Variants in OSBPL7 observed in about 807,000 individuals in gnomAD.
OSBPL7 encodes the protein oxysterol-binding protein-related protein 7.
In OSBPL7, 66 loss-of-function variants were observed where a neutral mutation model predicts 115.8. That is an observed-to-expected ratio of 0.57 (90% confidence interval 0.47 to 0.70). OSBPL7 has a LOEUF of 0.70. Among genes scored for constraint, OSBPL7 ranks in the 30% least tolerant of loss-of-function variants. OSBPL7 has a pLI of 0.00. For synonymous variants in OSBPL7, 441 were observed against 439.2 expected, an observed-to-expected ratio of 1.00 and a Z score of -0.05; for missense variants, 902 against 1,125.5, an observed-to-expected ratio of 0.80 and a Z score of 2.84.
rs1188712886 is a variant in OSBPL7, at chr17:47,808,841, G to T, written c.2297+23C>A. On this transcript the variant is annotated intron_variant, in intron 21 of 22. Transcript: ENST00000007414. This position sits in a 1 kb window ranked among gnomAD's most constrained non-coding sequence, Gnocchi z 6.1. ...GAGGGAGTGAACTAGATGGTTCTAG[G>T]CCGGCACCCATCCGGCACTGACCTC... 1 of 1,613,944 alleles carries T rather than the reference G, an allele frequency of 6.2e-7. No homozygotes were observed. The highest frequency in any genetic ancestry group is 2.2e-5 in the East Asian group (1 of 44,862).
chr17:47,809,565 T>G, intron 18 of OSBPL7, 87 bp from the exon 19 acceptor site: 1 of 1,489,398 alleles, frequency 6.7e-7, no homozygotes, highest in Non-Finnish European at 9.1e-7. Context: ...AAGCAGGTCA[T>G]GTGGGCCTGT....
chr17:47,815,336 A>C lies in OSBPL7; in HGVS notation c.1136T>G (p.Met379Arg). 6.2e-7 allele frequency: 1 copy of C among 1,613,830 alleles called. No individual in the cohort carries two copies. Among genetic ancestry groups the C allele is most frequent in the Non-Finnish European group, 8.5e-7 (1 of 1,179,962 alleles). Residue 379 changes from methionine (M) to arginine (R), a missense_variant, in exon 13 of 23, where the codon ATG becomes AGG. Physicochemically the swap from Met to Arg is moderately conservative, Grantham distance 91. Coordinates refer to ENST00000007414, the MANE Select transcript of OSBPL7 (RefSeq NM_145798.3). ...CTGGGGGGTGAGCTCGCGCCCCTTC[A>C]TGTACAGAGCTTCTTGCTGTGGGAG... ...LNPEEQEALYMKGRELTPQLS... is the reference protein window; with the variant it reads ...LNPEEQEALYRKGRELTPQLS...
intron 4 of OSBPL7, 73 bp downstream of exon 4, chr17:47,819,656 G>A (rs2033335278): frequency 6.4e-7 from 1 of 1,573,434 alleles, no homozygotes; most frequent in Non-Finnish European, 8.7e-7. Context: ...GTCGATTCCA[G>A]ATACCCCATG....
At chr17:47,810,726 G>A in intron 17 of OSBPL7, 46 bp downstream of exon 17, 1 of 1,612,572 alleles carries the variant, frequency 6.2e-7, no homozygotes, top group Non-Finnish European at 8.5e-7. Context: ...GCCAGAGGGT[G>A]TTCCCTTTGC....
intron 7 of OSBPL7, 151 bp from the exon 8 acceptor site, chr17:47,817,510 C>T (rs1320417222): frequency 1.4e-5 from 8 of 574,014 alleles, no homozygotes; most frequent in African/African-American, 2.0e-5. Context: ...CTGCCTCAGC[C>T]TCCCGAGTAG....
At chr17:47,819,533 C>G in intron 4 of OSBPL7, 196 bp downstream of exon 4, 1 of 661,974 alleles carries the variant, frequency 1.5e-6, no homozygotes, top group South Asian at 1.8e-5. Context: ...CAGCTCTGCA[C>G]CTGGGGGATG....
chr17:47,820,244 G>A lies in OSBPL7; in HGVS notation c.35C>T (p.Pro12Leu). The part of the protein sequence containing the change: ...DFQERDPPFL[P>L]ESAQSSKPSS... ...GGGCTTTGAGGACTGAGCGCTCTCA[G>A]GCAGGAAGGGCGGGTCCCTCTCTTG... The change falls in exon 2 of 23, where the codon CCT becomes CTT. Residue 12 changes from proline to leucine, a missense_variant. By Grantham distance (98) the Pro-to-Leu change is moderately conservative (BLOSUM62 -3). Transcript: ENST00000007414. 6.2e-7 allele frequency: 1 copy of A among 1,614,004 alleles called. No individual in the cohort carries two copies. Among genetic ancestry groups the A allele is most frequent in the South Asian group, 1.1e-5 (1 of 91,060 alleles).
In OSBPL7 at chr17:47,816,280, C is replaced by T. The variant is rs976437701; in HGVS notation, c.1024-78G>A. The T allele has an allele frequency of 6.7e-7, 1 of 1,498,714 alleles. No homozygotes were observed. Among genetic ancestry groups the T allele is most frequent in the African/African-American group, 1.4e-5 (1 of 71,824 alleles). 92.8% of individuals were successfully genotyped at this position (1,498,714 alleles called of 1,614,324 possible). The stretch of plus-strand genomic sequence containing the variant: ...CTTGCCGCATCTCTGCAGAGACTGC[C>T]TCTGCCAACCCCCCACCCTGACCCA... On this transcript the variant is annotated intron_variant, in intron 11 of 22. Transcript: ENST00000007414. The surrounding 1 kb of genome is among the most constrained non-coding windows in gnomAD (Gnocchi z 5.8).
At chr17:47,809,745 G>A (rs550217636) in intron 18 of OSBPL7, among the ~76,000 whole-genome samples, 124 of 152,228 alleles carry the variant, frequency 8.1e-4, no homozygotes, top group African/African-American at 2.8e-3. Context: ...CCTGCCCCTG[G>A]GCACCAGGAA....
At chr17:47,814,128 C>A (rs2033138583) in intron 14 of OSBPL7, among the ~76,000 whole-genome samples, 1 of 152,222 alleles carries the variant, frequency 6.6e-6, no homozygotes, top group Non-Finnish European at 1.5e-5. Flanking sequence ...GCCTTTTGTT[C>A]CCTTTATAAA....
Position 47,815,208 on chromosome 17 carries a change from C to T in OSBPL7, c.1257+7G>A. 2.5e-6 allele frequency: 4 copies of T among 1,610,750 alleles called. No individual in the cohort carries two copies. The highest frequency in any genetic ancestry group is 3.4e-6 in the Non-Finnish European group (4 of 1,177,768). Reference sequence around the variant, plus strand: ...CCGCCTCACTGCCAGCTTCTCTCCTCCCTCACCTCATTCTCAGAAGAGCTG... The same window carrying T: ...CCGCCTCACTGCCAGCTTCTCTCCTTCCTCACCTCATTCTCAGAAGAGCTG... On this transcript the variant is annotated splice_region_variant and intron_variant, in intron 13 of 22. Transcript: ENST00000007414.
At chr17:47,809,843 T>C (rs928526241) in intron 18 of OSBPL7, among the ~76,000 whole-genome samples, 6 of 152,124 alleles carry the variant, frequency 3.9e-5, no homozygotes, top group Non-Finnish European at 8.8e-5. Flanking sequence ...GCAAGCAGGC[T>C]CAAGGCTCTG....
rs771989351 is a variant in OSBPL7, at chr17:47,808,351, G to A, written c.2469C>T (p.Thr823=). The A allele has an allele frequency of 6.2e-7, 1 of 1,614,012 alleles. No homozygotes were observed. The highest frequency in any genetic ancestry group is 8.5e-7 in the Non-Finnish European group (1 of 1,179,972). Residue 823 remains threonine, a synonymous_variant, in exon 23 of 23, where the codon ACC becomes ACT. Coordinates refer to ENST00000007414, the MANE Select transcript of OSBPL7 (RefSeq NM_145798.3). This position sits in a 1 kb window ranked among gnomAD's most constrained non-coding sequence, Gnocchi z 6.1. ...SGKEWWVTNN[T]YWRLRAEPGY... is the part of the protein sequence containing the mutation. ...CTGGCTCGGCCCGCAGCCTCCAGTA[G>A]GTATTGTTGGTCACCCACCACTCTT...
rs1393482706 is a variant in OSBPL7, at chr17:47,818,264, C to T, written c.598+5G>A. ...CTTGGAGGTGCTGCGCCTAGGGCCC[C>T]TCACCATGAGAGCAGCGGTCCAGCC... On this transcript the variant is annotated splice_donor_5th_base_variant and intron_variant, in intron 7 of 22. Transcript: ENST00000007414. The T allele has an allele frequency of 6.2e-7, 1 of 1,611,512 alleles. No individual in the cohort carries two copies. Among genetic ancestry groups the T allele is most frequent in the Non-Finnish European group, 8.5e-7 (1 of 1,178,598 alleles).
intron 14 of OSBPL7, among the ~76,000 whole-genome samples, chr17:47,814,239 C>A (rs1171031043): frequency 6.6e-6 from 1 of 152,236 alleles, no homozygotes; most frequent in African/African-American, 2.4e-5. Flanking sequence ...ACACTGCTAA[C>A]AAGCAGCAAA....
chr17:47,814,835 C>G (rs944553006), intron 13 of OSBPL7: 1 of 573,048 alleles, frequency 1.7e-6, no homozygotes, highest in Admixed American at 3.1e-5. Flanking sequence ...CTGTGGCTGG[C>G]GGGAAAAAGC....
Position 47,813,716 on chromosome 17 carries a change from G to A in OSBPL7, c.1470C>T (p.Asp490=). The A allele has an allele frequency of 6.2e-7, 1 of 1,613,494 alleles. No individual in the cohort carries two copies. Among genetic ancestry groups the A allele is most frequent in the South Asian group, 1.1e-5 (1 of 91,088 alleles). Reference sequence around the variant, plus strand: ...GCACAGGCATTGACACCTTGGACAGGTCTTTGCCGATGTTGTTGCGCAGAA... The same window carrying A: ...GCACAGGCATTGACACCTTGGACAGATCTTTGCCGATGTTGTTGCGCAGAA... The part of the protein sequence containing the change: ...WNILRNNIGK[D]LSKVSMPVQL... The change falls in exon 15 of 23, where the codon GAC becomes GAT. Residue 490 remains aspartate, a synonymous_variant. Transcript: ENST00000007414.
intron 5 of OSBPL7, 78 bp from the exon 6 acceptor site, chr17:47,818,694 T>A: frequency 8.2e-7 from 1 of 1,223,790 alleles, no homozygotes; most frequent in Non-Finnish European, 1.2e-6. Flanking sequence ...AGGGCTCTGG[T>A]CCCCAGACAA....
At position 47,813,782 on chromosome 17, in the gene OSBPL7, C is replaced by T. The variant is rs775232962; in HGVS notation, c.1404G>A (p.Pro468=). Residue 468 remains proline, a synonymous_variant, in exon 15 of 23, where the codon CCG becomes CCA. Coordinates refer to ENST00000007414, the MANE Select transcript of OSBPL7 (RefSeq NM_145798.3). ...PMGPPRRRCL[P]AASGPGADVS... Reference sequence around the variant, plus strand: ...CGTCAGCCCCAGGCCCGCTGGCCGCCGGCAGGCAGCGACGGCGGGGTGGCC... The same window carrying T: ...CGTCAGCCCCAGGCCCGCTGGCCGCTGGCAGGCAGCGACGGCGGGGTGGCC... The T allele has an allele frequency of 1.6e-5, 26 of 1,612,724 alleles. No homozygotes were observed. Among genetic ancestry groups the T allele is most frequent in the African/African-American group, 1.1e-4 (8 of 74,910 alleles).
Sources: gnomAD v4.1 joint callset for allele counts (sites outside exome capture counted in the v4.1 genomes callset) on GRCh38, gnomAD v4.1.1 for gene constraint, Gnocchi (gnomAD v3.1) non-coding constraint, MANE v1.5 for transcripts, NCBI Gene and HGNC (gene_info 2026-07-23, HGNC 2026-07-21) for gene names.